C16orf96: variants seen among roughly 807,000 people sequenced by gnomAD.
C16orf96 encodes uncharacterized protein C16orf96.
A neutral mutation model predicts 103.6 loss-of-function variants in C16orf96; 108 were observed. The ratio of observed to expected loss-of-function variants is 1.04; its 90% CI spans 0.89 to 1.22. The LOEUF (loss-of-function observed/expected upper bound fraction) is 1.22, where lower values mean the gene tolerates loss of function less well. Ranked by LOEUF, C16orf96 falls within the 50% of genes most tolerant of loss-of-function variation. C16orf96 has a pLI of 0.00. For missense variants in C16orf96, 1,586 were observed against 1,464.2 expected, an observed-to-expected ratio of 1.08 and a Z score of -1.36; for synonymous variants, 566 against 593.5, an observed-to-expected ratio of 0.95 and a Z score of 0.67.
intron 5 of C16orf96, among the ~76,000 whole-genome samples, chr16:4,577,757 A>G (rs1291299448): frequency 1.3e-5 from 2 of 152,146 alleles, no homozygotes; most frequent in Non-Finnish European, 2.9e-5. Context: ...GGAGTTCGAG[A>G]CCAGCCTGGC....
At chr16:4,581,971 A>G (rs1199089763) in intron 7 of C16orf96, among the ~76,000 whole-genome samples, 1 of 151,870 alleles carries the variant, frequency 6.6e-6, no homozygotes, top group East Asian at 1.9e-4. Context: ...AAAGCAAAGA[A>G]ACAAGCAAAA....
At chr16:4,555,529 C>T (rs1329323385), upstream of C16orf96, among the ~76,000 whole-genome samples, 23 of 151,872 alleles carry the variant, frequency 1.5e-4, no homozygotes, top group East Asian at 1.2e-3. Flanking sequence ...CGTGCCACCA[C>T]GCCTGGCTGA....
At chr16:4,574,846 G>T in intron 3 of C16orf96, 57 bp downstream of exon 3, 1 of 1,535,486 alleles carries the variant, frequency 6.5e-7, no homozygotes, top group South Asian at 1.2e-5. Context: ...CAACCTCCCG[G>T]GTCCTGGGTG....
upstream of C16orf96, among the ~76,000 whole-genome samples, chr16:4,556,160 G>A (rs1392295243): frequency 6.6e-6 from 1 of 152,164 alleles, no homozygotes; most frequent in Non-Finnish European, 1.5e-5. Context: ...CACATCACCA[G>A]AGGGCTTGAA....
the C16orf96 span, among the ~76,000 whole-genome samples, chr16:4,547,689 C>CTTCTTTCTTTCT: frequency 0.049 from 1,085 of 22,366 alleles, 32 homozygotes; most frequent in South Asian, 0.087. Context: ...TCCTTCCTTC[C>CTTCTTTCTTTCT]TTCTTTCTTT....
At chr16:4,569,411 TC>T (rs2059413382) in intron 1 of C16orf96, among the ~76,000 whole-genome samples, 1 of 152,166 alleles carries the variant, frequency 6.6e-6, no homozygotes, top group African/African-American at 2.4e-5. Flanking sequence ...TATTTTCTCT[TC>T]CTTTCTCCTT....
intron 1 of C16orf96, among the ~76,000 whole-genome samples, chr16:4,564,723 A>G (rs2059369200): frequency 6.6e-6 from 1 of 152,190 alleles, no homozygotes. Context: ...AGGCACGAGA[A>G]TCGCTTGAAC....
intron 9 of C16orf96, among the ~76,000 whole-genome samples, 178 bp from the exon 10 acceptor site, chr16:4,591,488 A>C (rs1897057795): frequency 7.9e-5 from 12 of 152,040 alleles, no homozygotes; most frequent in Admixed American, 7.9e-4. Flanking sequence ...AATAGCATCT[A>C]GTAGGGGTTG....
chr16:4,579,204 T>A (rs112037285), intron 6 of C16orf96, among the ~76,000 whole-genome samples, 179 bp downstream of exon 6: 1 of 33,032 alleles, frequency 3.0e-5, no homozygotes, highest in African/African-American at 4.9e-5. Context: ...ACTGGTGCGG[T>A]GGGGGGGCCC....
rs373261468 is a variant in C16orf96, at chr16:4,593,304, G to A, written c.2855G>A (p.Arg952Gln). The A allele has an allele frequency of 3.9e-4, 602 of 1,550,686 alleles. 3 individuals carry two copies. The African/African-American group carries it at 7.4e-3, about 19-fold the overall frequency. The change falls in exon 12 of 16, where the codon CGG becomes CAG. Residue 952 changes from arginine (R) to glutamine (Q), a missense_variant. Arg to Gln is a conservative substitution (Grantham distance 43). Coordinates refer to ENST00000444310, the MANE Select transcript of C16orf96 (RefSeq NM_001145011.2). The surrounding 1 kb of genome is among the most constrained non-coding windows in gnomAD (Gnocchi z 4.2). ...ASANSCEYLQ[R>Q]QQMREQQWLQ... ...GCCAACAGCTGCGAGTACTTGCAGC[G>A]GCAACAGATGAGGTGAGCAGGATGG...
chr16:4,540,832 C>A, the C16orf96 span, among the ~76,000 whole-genome samples: 1 of 151,906 alleles, frequency 6.6e-6, no homozygotes, highest in Non-Finnish European at 1.5e-5. Flanking sequence ...ACTGTGACAA[C>A]TCCTAGGCTC....
chr16:4,556,443 C>G lies in C16orf96; in HGVS notation c.-47C>G. ...GGAACCACTGAAAGCTACCCCTTGT[C>G]CTTGAGGACACCTGGAACCCCAGCC... is the stretch of plus-strand genomic sequence containing the variant. On this transcript the variant is annotated 5_prime_UTR_variant, in exon 1 of 16. Transcript: ENST00000444310. 3 of 1,478,284 alleles carry G rather than the reference C, an allele frequency of 2.0e-6. No homozygotes were observed. The highest frequency in any genetic ancestry group is 1.3e-5 in the South Asian group (1 of 74,100). The allele number at this position is 1,478,284 out of a possible 1,614,324, so 91.6% of individuals were successfully genotyped here. A position where few individuals can be genotyped will look rare whatever the true frequency, so the allele number is the denominator to read the frequency against.
Position 4,575,905 on chromosome 16 carries a change from G to A in C16orf96, c.1425G>A (p.Lys475=). 6.4e-7 allele frequency: 1 copy of A among 1,551,620 alleles called. No homozygotes were observed. The highest frequency in any genetic ancestry group is 8.7e-7 in the Non-Finnish European group (1 of 1,146,988). ...SLRGLRERAR[K]DGAPKDRTRK... is the part of the protein sequence containing the mutation. The stretch of plus-strand genomic sequence containing the variant: ...GGGGCCTTCGGGAGAGGGCCCGCAA[G>A]GATGGGGCCCCCAAGGATAGAACTC... Residue 475 remains lysine, a synonymous_variant, in exon 5 of 16, where the codon AAG becomes AAA. Transcript: ENST00000444310.
At chr16:4,572,957 T>TC in intron 2 of C16orf96, among the ~76,000 whole-genome samples, 1 of 151,972 alleles carries the variant, frequency 6.6e-6, no homozygotes, top group Non-Finnish European at 1.5e-5. Context: ...TTTAACAACT[T>TC]CCCCCAAATA....
rs555944973 is a variant in C16orf96 at position 4,593,163 on chromosome 16, G to A, written c.2775-61G>A. 572 of 1,476,330 alleles carry A rather than the reference G, an allele frequency of 3.9e-4. 3 individuals are homozygous for A. In the African/African-American group the frequency reaches 7.3e-3, roughly 19 times the overall value. The allele number at this position is 1,476,330 out of a possible 1,614,324, so 91.5% of individuals were successfully genotyped here. On this transcript the variant is annotated intron_variant, in intron 11 of 15. Transcript: ENST00000444310. The surrounding 1 kb of genome is among the most constrained non-coding windows in gnomAD (Gnocchi z 4.2). ...AAGGCTTCCTGGAGGGGTGGGAGAC[G>A]AGCCCTCTGCTGGCCTAGCACGCCT...
chr16:4,592,370 G>A lies in C16orf96; in HGVS notation c.2774+3G>A. The A allele has an allele frequency of 1.9e-6, 3 of 1,551,596 alleles. No homozygotes were observed. Among genetic ancestry groups the A allele is most frequent in the East Asian group, 2.4e-5 (1 of 40,924 alleles). ...CCTGTGGAGATGATGACTGGCCCGT[G>A]AGTACCACCGCCCAGGGTGCCCCGG... On this transcript the variant is annotated splice_donor_region_variant and intron_variant, in intron 11 of 15. Transcript: ENST00000444310.
rs150457949 is a variant in C16orf96, at chr16:4,556,418, G to A, written c.-72G>A. The A allele has an allele frequency of 3.8e-4, 539 of 1,429,892 alleles. 6 individuals are homozygous for A. In the African/African-American group the frequency reaches 6.6e-3, roughly 18 times the overall value. 88.6% of individuals were successfully genotyped at this position (1,429,892 alleles called of 1,614,324 possible). A position where few individuals can be genotyped will look rare whatever the true frequency, so the allele number is the denominator to read the frequency against. On this transcript the variant is annotated 5_prime_UTR_variant, in exon 1 of 16. Transcript: ENST00000444310. The stretch of plus-strand genomic sequence containing the variant: ...CTGAGGACCAGTCCATGTAGCTCTC[G>A]GAACCACTGAAAGCTACCCCTTGTC...
At chr16:4,543,347 G>A in the C16orf96 span, among the ~76,000 whole-genome samples, 2 of 152,114 alleles carry the variant, frequency 1.3e-5, no homozygotes, top group Non-Finnish European at 2.9e-5. Flanking sequence ...AAAGAGGAGG[G>A]CAGAGGGTGA....
At chr16:4,581,557 T>C (rs1323975259) in intron 7 of C16orf96, among the ~76,000 whole-genome samples, 1 of 151,002 alleles carries the variant, frequency 6.6e-6, no homozygotes, top group Non-Finnish European at 1.5e-5. Context: ...GGCATGAACC[T>C]GGGAGGCAGA....
Sources: gnomAD v4.1 joint callset for allele counts (sites outside exome capture counted in the v4.1 genomes callset) on GRCh38, gnomAD v4.1.1 for gene constraint, Gnocchi (gnomAD v3.1) non-coding constraint, MANE v1.5 for transcripts, NCBI Gene and HGNC (gene_info 2026-07-23, HGNC 2026-07-21) for gene names.